Variants in HINFP observed in about 807,000 individuals in gnomAD.
The protein encoded by HINFP is MBD2 (methyl-CpG-binding protein)-interacting zinc finger protein.
Under a neutral mutation model 50.1 loss-of-function variants are expected in HINFP, and 20 were observed. The observed-to-expected ratio is 0.40, with a 90% CI of 0.28 to 0.58. The LOEUF (loss-of-function observed/expected upper bound fraction) is 0.58. Ranked by LOEUF, HINFP falls within the 20% of genes least tolerant of loss-of-function variation. HINFP has a pLI of 0.45. For synonymous variants in HINFP, 247 were observed against 243.7 expected (o/e 1.01, Z -0.13); for missense variants, 505 against 664.1 (o/e 0.76, Z 2.63).
In HINFP at chr11:119,131,341, A is replaced by T. The variant is rs1947742722; in HGVS notation, c.412-194A>T. ...TGGCCTCAAGTGATTCTCCTGCCTC[A>T]GCCTCTCAAAGTGCTGGGATTACAG... On this transcript the variant is annotated intron_variant, in intron 3 of 9. Coordinates refer to ENST00000350777, the MANE Select transcript of HINFP (RefSeq NM_198971.3). The surrounding 1 kb of genome is among the most constrained non-coding windows in gnomAD (Gnocchi z 4.2). 3 of 605,388 alleles carry T rather than the reference A, an allele frequency of 5.0e-6. No homozygotes were observed. Among genetic ancestry groups the T allele is most frequent in the African/African-American group, 1.8e-5 (1 of 54,554 alleles). The allele number at this position is 605,388 out of a possible 1,614,324, so 37.5% of individuals were successfully genotyped here.
intron 9 of HINFP, 49 bp downstream of exon 9, chr11:119,133,268 C>G: frequency 1.2e-6 from 2 of 1,604,288 alleles, no homozygotes; most frequent in East Asian, 4.5e-5. Flanking sequence ...GTTTTTATAC[C>G]TTTTCAACCA....
intron 2 of HINFP, among the ~76,000 whole-genome samples, chr11:119,128,466 C>T (rs1351212365): frequency 6.6e-6 from 1 of 151,236 alleles, no homozygotes; most frequent in Non-Finnish European, 1.5e-5. Flanking sequence ...CCACTACGCC[C>T]GTCTAATTTT....
chr11:119,128,576 C>T (rs1014971239), intron 2 of HINFP, among the ~76,000 whole-genome samples: 25 of 152,066 alleles, frequency 1.6e-4, no homozygotes, highest in Admixed American at 1.5e-3. Context: ...GATCCGCCCG[C>T]CTCAGCCTCC....
intron 2 of HINFP, among the ~76,000 whole-genome samples, chr11:119,128,581 G>A (rs1316633216): frequency 6.6e-6 from 1 of 152,006 alleles, no homozygotes; most frequent in Non-Finnish European, 1.5e-5. Context: ...GCCCGCCTCA[G>A]CCTCCCAAAG....
chr11:119,121,880 C>T (rs932373531), intron 1 of HINFP: 1 of 152,404 alleles, frequency 6.6e-6, no homozygotes, highest in African/African-American at 2.4e-5. Context: ...AGGTTTTGCC[C>T]AACGGGACGG....
chr11:119,122,423 A>G (rs1015610441), intron 1 of HINFP, among the ~76,000 whole-genome samples: 3 of 152,184 alleles, frequency 2.0e-5, no homozygotes, highest in African/African-American at 7.2e-5. Context: ...AGCTTCTTAT[A>G]GTCCAATTGG....
chr11:119,132,585 G>A lies in HINFP; in HGVS notation c.754+12G>A. 6.2e-7 allele frequency: 1 copy of A among 1,614,096 alleles called. No homozygotes were observed. The highest frequency in any genetic ancestry group is 8.5e-7 in the Non-Finnish European group (1 of 1,180,002). Reference sequence around the variant, plus strand: ...CATGCGCAACCATGGTGAGTGGCCTGCGGCCCACAGCCTCCCTCCTGCCCT... The same window carrying A: ...CATGCGCAACCATGGTGAGTGGCCTACGGCCCACAGCCTCCCTCCTGCCCT... On this transcript the variant is annotated intron_variant, in intron 6 of 9. Transcript: ENST00000350777.
intron 1 of HINFP, among the ~76,000 whole-genome samples, chr11:119,122,937 A>T (rs1947154839): frequency 6.6e-6 from 1 of 152,108 alleles, no homozygotes; most frequent in African/African-American, 2.4e-5. Context: ...AGCCTGACCA[A>T]CATGGCAAGA....
rs1947967549 is a variant in HINFP, at chr11:119,134,479, C to T, written c.1535C>T (p.Pro512Leu). 2 of 1,605,220 alleles carry T rather than the reference C, an allele frequency of 1.2e-6. No individual in the cohort carries two copies. Among genetic ancestry groups the T allele is most frequent in the South Asian group, 2.2e-5 (2 of 90,568 alleles). The change falls in exon 10 of 10, where the codon CCA becomes CTA. Residue 512 changes from proline (P) to leucine (L), a missense_variant. Coordinates refer to ENST00000350777, the MANE Select transcript of HINFP (RefSeq NM_198971.3). This position sits in a 1 kb window ranked among gnomAD's most constrained non-coding sequence, Gnocchi z 4.3. Reference protein sequence around the residue: ...MEKLQGIAEEPEIQMV With the variant: ...MEKLQGIAEELEIQMV The stretch of plus-strand genomic sequence containing the variant: ...AAGCTTCAAGGAATAGCTGAGGAGC[C>T]AGAGATCCAGATGGTTTGAAGGCCG...
Position 119,127,056 on chromosome 11 carries a change from C to G in HINFP, c.112C>G (p.Gln38Glu), listed in dbSNP as rs1281973958. Residue 38 changes from glutamine to glutamate, a missense_variant, in exon 2 of 10, where the codon CAG becomes GAG. Transcript: ENST00000350777. Reference sequence around the variant, plus strand: ...GGAAAAGTTCTTTGAGCATGTCACTCAGCACCTGCAGCAGCACCTGCATGG... The same window carrying G: ...GGAAAAGTTCTTTGAGCATGTCACTGAGCACCTGCAGCAGCACCTGCATGG... ...TMEKFFEHVT[Q>E]HLQQHLHGSG... 6.2e-7 allele frequency: 1 copy of G among 1,614,012 alleles called. No individual in the cohort carries two copies. Among genetic ancestry groups the G allele is most frequent in the South Asian group, 1.1e-5 (1 of 91,074 alleles).
At chr11:119,130,565 T>G in intron 2 of HINFP, 160 bp from the exon 3 acceptor site, 2 of 619,960 alleles carry the variant, frequency 3.2e-6, no homozygotes, top group Non-Finnish European at 5.7e-6. Flanking sequence ...CAATTTATGG[T>G]CATTAAATAC....
chr11:119,132,392 T>G, intron 5 of HINFP, 104 bp from the exon 6 acceptor site: 1 of 1,125,618 alleles, frequency 8.9e-7, no homozygotes. Flanking sequence ...AGCTCTCCTT[T>G]TCTCCTTGGG....
intron 1 of HINFP, chr11:119,126,681 T>C (rs1947426460): frequency 3.2e-6 from 1 of 314,512 alleles, no homozygotes; most frequent in African/African-American, 2.1e-5. Flanking sequence ...CATGAGAAAA[T>C]GTCTGTTAAA....
chr11:119,123,306 C>G lies in HINFP; in HGVS notation c.-11+1667C>G, dbSNP rs577884429. ...TGATCTTTGGATTGGAATGAGGGTG[C>G]TCTTACATCAGATGAAGTGTAGAGA... On this transcript the variant is annotated intron_variant, in intron 1 of 9. Coordinates refer to ENST00000350777, the MANE Select transcript of HINFP (RefSeq NM_198971.3). Among the ~76,000 whole-genome samples, 3 of 152,134 alleles carry G rather than the reference C, an allele frequency of 2.0e-5. No individual in the cohort carries two copies. In the South Asian group the frequency reaches 6.2e-4, roughly 32 times the overall value.
intron 1 of HINFP, among the ~76,000 whole-genome samples, chr11:119,123,044 C>G (rs953585186): frequency 7.2e-6 from 1 of 138,226 alleles, no homozygotes; most frequent in Non-Finnish European, 1.5e-5. Context: ...ACGAGAATCG[C>G]TTGAACCTGG....
intron 9 of HINFP, chr11:119,133,769 A>G (rs552528330): frequency 1.6e-5 from 7 of 440,804 alleles, no homozygotes; most frequent in Admixed American, 7.6e-5. Context: ...AACTAGAGCT[A>G]GAGTCTAAGG....
chr11:119,126,582 G>A (rs902147738), intron 1 of HINFP: 5 of 174,172 alleles, frequency 2.9e-5, no homozygotes, highest in Non-Finnish European at 4.8e-5. Context: ...TTTGAACCCT[G>A]ATCCTTCTCA....
chr11:119,134,315 G>A lies in HINFP; in HGVS notation c.1371G>A (p.Gln457=). ...GSEGTALSAS[Q]DNPSSVIHVV... ...AAGGGACAGCCCTCTCAGCCTCTCA[G>A]GACAACCCCAGTTCTGTCATCCACG... Residue 457 remains glutamine (Q), a synonymous_variant, in exon 10 of 10, where the codon CAG becomes CAA. Transcript: ENST00000350777. This position sits in a 1 kb window ranked among gnomAD's most constrained non-coding sequence, Gnocchi z 4.3. The A allele has an allele frequency of 6.2e-7, 1 of 1,614,160 alleles. No homozygotes were observed. Among genetic ancestry groups the A allele is most frequent in the South Asian group, 1.1e-5 (1 of 91,092 alleles).
At chr11:119,133,839 A>C (rs1274364634) in intron 9 of HINFP, 4 of 590,796 alleles carry the variant, frequency 6.8e-6, no homozygotes, top group Non-Finnish European at 1.2e-5. Flanking sequence ...ACCCTCCAAC[A>C]CAGTCAGTCA....
Sources: allele counts gnomAD v4.1 joint callset (sites outside exome capture counted in the v4.1 genomes callset), GRCh38; gene constraint gnomAD v4.1.1; non-coding constraint Gnocchi (gnomAD v3.1); transcripts MANE v1.5; gene names NCBI Gene and HGNC (gene_info 2026-07-23, HGNC 2026-07-21).